SNX8: variants seen among roughly 807,000 people sequenced by gnomAD.
The protein encoded by SNX8 is sorting nexin 8, also known as sorting nexin-8.
A neutral mutation model predicts 51.6 loss-of-function variants in SNX8; 25 were observed. That is an observed-to-expected ratio of 0.48 (90% CI 0.35 to 0.68). SNX8 has a LOEUF of 0.68. SNX8 is among the 30% of genes least tolerant of loss of function. The pLI is 0.00. For missense variants in SNX8, 695 were observed against 624.0 expected (o/e 1.11, Z -1.21); for synonymous variants, 324 against 277.0 (o/e 1.17, Z -1.68).
At position 2,332,769 on chromosome 7, in the gene SNX8, AGGAG is replaced by A. The variant is rs1277192500; in HGVS notation, c.-66+21449_-66+21452del. On this transcript the variant is annotated intron_variant, in intron 1 of 5. Coordinates refer to the SNX8 transcript ENST00000435336. ...AAGGAAGGAAGGAAGGAAGGAAGGA[AGGAG>A]GGAAGGAGGGAAAGAAGGAAGGGAA... Among the ~76,000 whole-genome samples, 178 of 122,498 alleles carry A rather than the reference AGGAG, an allele frequency of 1.5e-3. 1 individual carries two copies. The highest frequency in any genetic ancestry group is 4.5e-3 in the African/African-American group (166 of 36,786). 80.4% of individuals were successfully genotyped at this position (122,498 alleles called of 152,430 possible).
intron 1 of SNX8, 34 bp downstream of exon 1, chr7:2,314,294 G>A (rs1407553825): frequency 1.3e-5 from 16 of 1,218,538 alleles, no homozygotes; most frequent in African/African-American, 1.6e-5. Context: ...GCGCGCCCTG[G>A]GCAGGTGGGG....
intron 1 of SNX8, among the ~76,000 whole-genome samples, chr7:2,341,374 C>T (rs1778920540): frequency 6.6e-6 from 1 of 151,256 alleles, no homozygotes; most frequent in South Asian, 2.1e-4. Context: ...TGGCAGGTGC[C>T]TGTAATCCCA....
chr7:2,339,672 T>G (rs1248892621), intron 1 of SNX8, among the ~76,000 whole-genome samples: 1 of 151,830 alleles, frequency 6.6e-6, no homozygotes, highest in East Asian at 1.9e-4. Context: ...TAAATCCAAA[T>G]GAAAGAGTAT....
In SNX8 at chr7:2,257,351, G is replaced by C. The variant is rs369919605; in HGVS notation, c.1134+14C>G. On this transcript the variant is annotated intron_variant, in intron 9 of 10. Coordinates refer to ENST00000222990, the MANE Select transcript of SNX8 (RefSeq NM_013321.4). Reference sequence around the variant, plus strand: ...AAGGCTCCCACGGGCCTGCTCGGCCGCCCCGCCACCCACCTCCACAATGCG... The same window carrying C: ...AAGGCTCCCACGGGCCTGCTCGGCCCCCCCGCCACCCACCTCCACAATGCG... The C allele has an allele frequency of 6.3e-7, 1 of 1,599,862 alleles. No individual in the cohort carries two copies. The highest frequency in any genetic ancestry group is 1.7e-5 in the Admixed American group (1 of 59,768).
chr7:2,311,797 C>T (rs1429188938), intron 1 of SNX8, among the ~76,000 whole-genome samples: 3 of 151,786 alleles, frequency 2.0e-5, no homozygotes, highest in Non-Finnish European at 2.9e-5. Flanking sequence ...ATTAGCCGGG[C>T]GTGGTGGCGG....
chr7:2,269,054 C>A, intron 5 of SNX8, among the ~76,000 whole-genome samples: 1 of 135,668 alleles, frequency 7.4e-6, no homozygotes. Context: ...TGAGAACGGG[C>A]CAGGATGACA....
chr7:2,257,957 T>A (rs1795233294), intron 7 of SNX8, among the ~76,000 whole-genome samples, 154 bp from the exon 8 acceptor site: 1 of 148,662 alleles, frequency 6.7e-6, no homozygotes, highest in Non-Finnish European at 1.5e-5. Flanking sequence ...GGGGCCCCCT[T>A]CCCCACCAGC....
chr7:2,264,791 T>C (rs999321289), intron 5 of SNX8, among the ~76,000 whole-genome samples: 2 of 152,114 alleles, frequency 1.3e-5, no homozygotes, highest in Non-Finnish European at 2.9e-5. Flanking sequence ...ATCCCAGCAC[T>C]TTGGAGGCTG....
chr7:2,263,097 AAC>A (rs1795375626), intron 7 of SNX8, 131 bp downstream of exon 7: 2 of 1,115,378 alleles, frequency 1.8e-6, no homozygotes, highest in Non-Finnish European at 2.6e-6. Context: ...CCAGCCTGGC[AAC>A]AGAGGGAGAC....
intron 1 of SNX8, among the ~76,000 whole-genome samples, chr7:2,334,468 C>T (rs192223923): frequency 9.9e-5 from 15 of 151,226 alleles, no homozygotes; most frequent in African/African-American, 2.4e-4. Context: ...GAAGCCAAGG[C>T]GGGCGGATCA....
intron 1 of SNX8, among the ~76,000 whole-genome samples, chr7:2,302,679 C>G (rs1338874517): frequency 1.3e-5 from 2 of 152,006 alleles, no homozygotes; most frequent in African/African-American, 4.8e-5. Context: ...CCGGCCGCCA[C>G]CACATCTAGG....
chr7:2,292,757 G>C (rs928862878), intron 1 of SNX8, among the ~76,000 whole-genome samples: 2 of 152,052 alleles, frequency 1.3e-5, no homozygotes, highest in African/African-American at 2.4e-5. Context: ...AGCAACAAAA[G>C]AACAAAATAC....
intron 1 of SNX8, among the ~76,000 whole-genome samples, chr7:2,295,002 A>C (rs141019233): frequency 0.014 from 2,074 of 152,230 alleles, 23 homozygotes; most frequent in Middle Eastern, 0.02. Context: ...CTGCATTCCA[A>C]CCTGGGTAAC....
chr7:2,283,088 T>G (rs112142739), intron 1 of SNX8, among the ~76,000 whole-genome samples: 2,997 of 150,282 alleles, frequency 0.02, 39 homozygotes, highest in South Asian at 0.044. Flanking sequence ...GCCACTGCAC[T>G]CCAGCCTGGG....
At chr7:2,344,169 G>A (rs1365473281) in intron 1 of SNX8, among the ~76,000 whole-genome samples, 1 of 151,686 alleles carries the variant, frequency 6.6e-6, no homozygotes, top group Admixed American at 6.6e-5. Flanking sequence ...ACGTAATTGA[G>A]CCTGGGCGAC....
At chr7:2,302,084 A>C (rs1484332135) in intron 1 of SNX8, among the ~76,000 whole-genome samples, 3 of 151,888 alleles carry the variant, frequency 2.0e-5, no homozygotes, top group Non-Finnish European at 2.9e-5. Context: ...CTATTAAAAA[A>C]AAATACCCTC....
chr7:2,351,458 G>A (rs1329668416), intron 1 of SNX8, among the ~76,000 whole-genome samples: 1 of 152,004 alleles, frequency 6.6e-6, no homozygotes, highest in Non-Finnish European at 1.5e-5. Context: ...AAGCTAAGGT[G>A]AGCCTGTGAG....
In SNX8 at chr7:2,255,034, A is replaced by G. The variant is rs1195479541; in HGVS notation, c.*22T>C. 2.7e-6 allele frequency: 4 copies of G among 1,470,614 alleles called. No homozygotes were observed. Among genetic ancestry groups the G allele is most frequent in the Non-Finnish European group, 3.7e-6 (4 of 1,072,812 alleles). 91.1% of individuals were successfully genotyped at this position (1,470,614 alleles called of 1,614,324 possible). On this transcript the variant is annotated 3_prime_UTR_variant, in exon 11 of 11. Transcript: ENST00000222990. Reference sequence around the variant, plus strand: ...AAGAGGTTTTAGTGCGGCCGCAGGGAGCACCACCTCAGCCTCAGGCGCTAG... The same window carrying G: ...AAGAGGTTTTAGTGCGGCCGCAGGGGGCACCACCTCAGCCTCAGGCGCTAG...
intron 7 of SNX8, among the ~76,000 whole-genome samples, chr7:2,258,275 C>G (rs995873716): frequency 5.3e-5 from 8 of 152,156 alleles, no homozygotes; most frequent in African/African-American, 1.9e-4. Context: ...CTCGGCCTCC[C>G]AAAGTGCTGG....
Sources: gnomAD v4.1 joint callset for allele counts (sites outside exome capture counted in the v4.1 genomes callset) on GRCh38, gnomAD v4.1.1 for gene constraint, MANE v1.5 for transcripts, NCBI Gene and HGNC (gene_info 2026-07-23, HGNC 2026-07-21) for gene names.